The following TMPRSS11F variants were observed in gnomAD, a reference collection of about 807,000 sequenced individuals.
The protein encoded by TMPRSS11F is transmembrane serine protease 11F.
TMPRSS11F carries 47 observed loss-of-function variants against 60.2 expected under a neutral mutation model. That is an observed-to-expected ratio of 0.78 (90% confidence interval 0.62 to 1.00). TMPRSS11F has a LOEUF of 1.00. Ranked by LOEUF, TMPRSS11F falls within the 50% of genes least tolerant of loss-of-function variation. The pLI, the probability that TMPRSS11F is intolerant of heterozygous loss-of-function variation, is 0.00. For missense variants in TMPRSS11F, 519 were observed against 522.9 expected, an observed-to-expected ratio of 0.99 and a Z score of 0.07; for synonymous variants, 166 against 167.3, an observed-to-expected ratio of 0.99 and a Z score of 0.06.
At chr4:68,120,629 C>T (rs1322946910) in intron 1 of TMPRSS11F, among the ~76,000 whole-genome samples, 1 of 151,902 alleles carries the variant, frequency 6.6e-6, no homozygotes, top group Non-Finnish European at 1.5e-5. Context: ...ACCTCGTGAT[C>T]CGCCCGCCTC....
intron 5 of TMPRSS11F, among the ~76,000 whole-genome samples, chr4:68,072,074 T>A (rs940357709): frequency 2.0e-5 from 3 of 150,852 alleles, no homozygotes; most frequent in Non-Finnish European, 3.0e-5. Context: ...CAATAACATA[T>A]GATATGGAAA....
At chr4:68,066,807 G>A (rs187362943) in intron 7 of TMPRSS11F, among the ~76,000 whole-genome samples, 141 of 151,956 alleles carry the variant, frequency 9.3e-4, no homozygotes, top group African/African-American at 3.3e-3. Flanking sequence ...GGTGGCGGGC[G>A]CTTGTAGTCC....
chr4:68,118,537 T>A lies in TMPRSS11F; in HGVS notation c.11+11273A>T, dbSNP rs950546487. On this transcript the variant is annotated intron_variant, in intron 1 of 9. Transcript: ENST00000356291. ...CATATGCTTGATATACTAATTACAA[T>A]ATATTTCTAGCAATTCTTTGATAAC... is the stretch of plus-strand genomic sequence containing the variant. Among the ~76,000 whole-genome samples, 6 of 152,294 alleles carry A rather than the reference T, an allele frequency of 3.9e-5. No individual in the cohort carries two copies. In the South Asian group the frequency reaches 1.2e-3, roughly 32 times the overall value.
chr4:68,111,331 T>C (rs1724406703), intron 1 of TMPRSS11F, among the ~76,000 whole-genome samples: 1 of 152,150 alleles, frequency 6.6e-6, no homozygotes, highest in African/African-American at 2.4e-5. Context: ...AACTCAGACA[T>C]CTTTGCCTAC....
chr4:68,079,367 G>A (rs533872000), intron 3 of TMPRSS11F, among the ~76,000 whole-genome samples: 2 of 152,234 alleles, frequency 1.3e-5, no homozygotes, highest in South Asian at 4.1e-4. Flanking sequence ...CATATTTGAA[G>A]CAGATGTTAA....
At chr4:68,075,006 A>C (rs1322108943) in intron 3 of TMPRSS11F, among the ~76,000 whole-genome samples, 1 of 152,214 alleles carries the variant, frequency 6.6e-6, no homozygotes, top group Admixed American at 6.5e-5. Context: ...AAATTTTTTT[A>C]AAAAGCACTG....
chr4:68,067,238 G>T (rs1334054399), intron 7 of TMPRSS11F, among the ~76,000 whole-genome samples: 1 of 152,082 alleles, frequency 6.6e-6, no homozygotes, highest in East Asian at 1.9e-4. Flanking sequence ...CTTCTTAAAA[G>T]CAGTTTAAAA....
At chr4:68,076,920 C>T (rs984305361) in intron 3 of TMPRSS11F, among the ~76,000 whole-genome samples, 4 of 152,152 alleles carry the variant, frequency 2.6e-5, no homozygotes, top group African/African-American at 9.7e-5. Flanking sequence ...CAGTAAAACA[C>T]TTGCTGCAAG....
At chr4:68,086,723 A>T (rs1353016867) in intron 3 of TMPRSS11F, among the ~76,000 whole-genome samples, 4 of 152,132 alleles carry the variant, frequency 2.6e-5, no homozygotes, top group Non-Finnish European at 4.4e-5. Flanking sequence ...TCCCACAGAA[A>T]TACTCAGTCT....
At chr4:68,092,922 T>C (rs1248248009) in intron 2 of TMPRSS11F, among the ~76,000 whole-genome samples, 2 of 152,178 alleles carry the variant, frequency 1.3e-5, no homozygotes, top group Non-Finnish European at 2.9e-5. Context: ...ATATGAAGCA[T>C]AACTATATTA....
At chr4:68,085,362 G>C (rs10024607) in intron 3 of TMPRSS11F, among the ~76,000 whole-genome samples, 6 of 151,894 alleles carry the variant, frequency 4.0e-5, no homozygotes, top group Admixed American at 3.9e-4. Context: ...CAGTGTAAAA[G>C]TGTTCCTATT....
At chr4:68,078,293 C>T (rs982913824) in intron 3 of TMPRSS11F, among the ~76,000 whole-genome samples, 6 of 152,134 alleles carry the variant, frequency 3.9e-5, no homozygotes, top group Non-Finnish European at 8.8e-5. Context: ...ACTTTTTTCC[C>T]CCCTGGCAAA....
chr4:68,129,009 T>C (rs528416091), intron 1 of TMPRSS11F, among the ~76,000 whole-genome samples: 1 of 152,234 alleles, frequency 6.6e-6, no homozygotes, highest in Admixed American at 6.5e-5. Context: ...AAATCATGAT[T>C]AAGTTGGAAA....
chr4:68,090,287 A>G (rs1282405017), intron 3 of TMPRSS11F, among the ~76,000 whole-genome samples: 3 of 151,994 alleles, frequency 2.0e-5, no homozygotes, highest in Non-Finnish European at 4.4e-5. Context: ...TCAACCAACA[A>G]TTTCTCAGGA....
intron 3 of TMPRSS11F, among the ~76,000 whole-genome samples, chr4:68,087,613 G>C (rs1186808357): frequency 6.6e-6 from 1 of 151,324 alleles, no homozygotes; most frequent in Non-Finnish European, 1.5e-5. Flanking sequence ...TAGAAACAAA[G>C]ACTTCACAAA....
At chr4:68,087,848 T>C (rs1270055728) in intron 3 of TMPRSS11F, among the ~76,000 whole-genome samples, 2 of 148,988 alleles carry the variant, frequency 1.3e-5, no homozygotes, top group African/African-American at 4.9e-5. Context: ...TAGGTATATC[T>C]CCCAGTGCTA....
chr4:68,126,563 A>T (rs1177698692), intron 1 of TMPRSS11F, among the ~76,000 whole-genome samples: 4 of 152,164 alleles, frequency 2.6e-5, no homozygotes, highest in Non-Finnish European at 4.4e-5. Context: ...AAAACTTGAA[A>T]TTTTCATTTA....
chr4:68,073,371 G>C (rs1395802530), intron 4 of TMPRSS11F, among the ~76,000 whole-genome samples: 2 of 151,752 alleles, frequency 1.3e-5, no homozygotes, highest in Admixed American at 6.6e-5. Context: ...AATCTTTTCA[G>C]AATGAATTTA....
intron 1 of TMPRSS11F, among the ~76,000 whole-genome samples, chr4:68,112,670 C>G (rs893158395): frequency 2.0e-5 from 3 of 152,064 alleles, no homozygotes; most frequent in Non-Finnish European, 4.4e-5. Context: ...AGACAGTAAA[C>G]TCCACAGAGT....
Sources: allele counts gnomAD v4.1 joint callset (sites outside exome capture counted in the v4.1 genomes callset), GRCh38; gene constraint gnomAD v4.1.1; transcripts MANE v1.5; gene names NCBI Gene and HGNC (gene_info 2026-07-23, HGNC 2026-07-21).